CLIP1: variants seen among roughly 807,000 people sequenced by gnomAD.
CLIP1 encodes the protein CAP-Gly domain-containing linker protein 1.
Under a neutral mutation model 161.6 loss-of-function variants are expected in CLIP1, and 66 were observed. The ratio of observed to expected loss-of-function variants is 0.41; its 90% confidence interval spans 0.33 to 0.50. The LOEUF (loss-of-function observed/expected upper bound fraction) is 0.50, where lower values mean the gene tolerates loss of function less well. Among genes scored for constraint, CLIP1 ranks in the 20% least tolerant of loss-of-function variants. The pLI, the probability that CLIP1 is intolerant of heterozygous loss-of-function variation, is 0.27. For missense variants in CLIP1, 1,376 were observed against 1,702.0 expected, an observed-to-expected ratio of 0.81 and a Z score of 3.37; for synonymous variants, 598 against 626.2, an observed-to-expected ratio of 0.96 and a Z score of 0.67.
intron 20 of CLIP1, among the ~76,000 whole-genome samples, chr12:122,290,876 TA>T (rs1319566339): frequency 4.0e-5 from 6 of 151,186 alleles, no homozygotes; most frequent in African/African-American, 4.9e-5. Flanking sequence ...TATTTTTTTT[TA>T]TTTTTTTTAG....
At chr12:122,390,404 T>C (rs1291265623) in intron 1 of CLIP1, among the ~76,000 whole-genome samples, 20 of 149,710 alleles carry the variant, frequency 1.3e-4, no homozygotes. Context: ...CTCCACCTCC[T>C]GGGTTCAAAC....
At chr12:122,345,426 G>C (rs559128965) in intron 10 of CLIP1, among the ~76,000 whole-genome samples, 1 of 152,056 alleles carries the variant, frequency 6.6e-6, no homozygotes, top group Admixed American at 6.5e-5. Context: ...CTCCCAAAGT[G>C]CTGGGATTAC....
Position 122,390,205 on chromosome 12 carries a change from TATACACAC to T in CLIP1, c.-106-9655_-106-9648del, listed in dbSNP as rs1335132938. On this transcript the variant is annotated intron_variant, in intron 1 of 25. Transcript: ENST00000620786. ...TATATATATATATATATAATATATATATACACACATATATATACACACATATATACACA... is the reference window on the plus strand; with the variant it reads ...TATATATATATATATATAATATATATATATATATACACACATATATACACA... Among the ~76,000 whole-genome samples, 9 of 136,094 alleles carry T rather than the reference TATACACAC, an allele frequency of 6.6e-5. No individual in the cohort carries two copies. In the East Asian group the frequency reaches 8.4e-4, roughly 13 times the overall value. The allele number at this position is 136,094 out of a possible 152,430, so 89.3% of individuals were successfully genotyped here.
Position 122,288,540 on chromosome 12 carries a change from A to G in CLIP1, c.3596T>C (p.Leu1199Pro). The change falls in exon 21 of 26, where the codon CTG (leucine) becomes CCG (proline). Residue 1199 changes from leucine (L) to proline (P), a missense_variant and splice_region_variant. By Grantham distance (98) the Leu-to-Pro change is moderately conservative. Around this residue, in one of 6 missense-constraint regions of CLIP1, gnomAD observed 948 missense variants for 1,134.8 expected, o/e 0.84. Coordinates refer to ENST00000620786, the MANE Select transcript of CLIP1 (RefSeq NM_001247997.2). ...SRDEVTSHQK[L>P]EEERSVLNNQ... ...ATTGAGCACAGATCTTTCTTCTTCC[A>G]GCTAGGAAAAAAACACAAAAAACTT... The G allele has an allele frequency of 6.2e-7, 1 of 1,605,856 alleles. No homozygotes were observed.
intron 20 of CLIP1, among the ~76,000 whole-genome samples, chr12:122,292,241 G>A (rs552088444): frequency 7.3e-5 from 11 of 151,624 alleles, no homozygotes; most frequent in Non-Finnish European, 1.5e-4. Flanking sequence ...GGCCTCAAGC[G>A]ATCTGCCCAT....
At chr12:122,418,142 G>C (rs997634031) in intron 1 of CLIP1, among the ~76,000 whole-genome samples, 1 of 151,948 alleles carries the variant, frequency 6.6e-6, no homozygotes, top group Non-Finnish European at 1.5e-5. Flanking sequence ...TACTTGAAGG[G>C]AAGTTCCAAG....
chr12:122,325,191 G>A (rs1400072312), intron 17 of CLIP1, among the ~76,000 whole-genome samples: 2 of 151,408 alleles, frequency 1.3e-5, no homozygotes, highest in Non-Finnish European at 2.9e-5. Context: ...CCAAGTAGCT[G>A]GGATTACAAG....
In CLIP1 at chr12:122,336,662, T is replaced by C. The variant is rs1417878152; in HGVS notation, c.2538A>G (p.Lys846=). The change falls in exon 12 of 26, where the codon AAA becomes AAG. Residue 846 remains lysine (K), a synonymous_variant. Coordinates refer to ENST00000620786, the MANE Select transcript of CLIP1 (RefSeq NM_001247997.2). The stretch of plus-strand genomic sequence containing the variant: ...TCTGAAGTTCTTTTTCCAAAGTCTC[T>C]TTCACTTGACTGACTTCACTCAAAT... ...QENLSEVSQV[K]ETLEKELQIL... 3.1e-6 allele frequency: 5 copies of C among 1,609,322 alleles called. No individual in the cohort carries two copies. The highest frequency in any genetic ancestry group is 2.7e-5 in the African/African-American group (2 of 74,856).
At chr12:122,306,338 C>G (rs1039695639) in intron 20 of CLIP1, among the ~76,000 whole-genome samples, 2 of 152,112 alleles carry the variant, frequency 1.3e-5, no homozygotes, top group African/African-American at 4.8e-5. Context: ...AGCTATGAAG[C>G]TGGAAGTAAA....
rs776669313 is a variant in CLIP1, at chr12:122,351,119, G to C, written c.1393C>G (p.Pro465Ala). The change falls in exon 9 of 26, where the codon CCT (proline) becomes GCT (alanine). Residue 465 changes from proline to alanine, a missense_variant. Coordinates refer to ENST00000620786, the MANE Select transcript of CLIP1 (RefSeq NM_001247997.2). ...GTTAAGTGCCCTCTTACATTCTCAGGATCTTCAGAAATCTGGCTCTTTTGC... is the reference window on the plus strand; with the variant it reads ...GTTAAGTGCCCTCTTACATTCTCAGCATCTTCAGAAATCTGGCTCTTTTGC... ...LEQKSQISED[P>A]ENTQTKLEHA... The C allele has an allele frequency of 3.9e-6, 6 of 1,523,924 alleles. No individual in the cohort carries two copies. The African/African-American group carries it at 4.1e-5, about 11-fold the overall frequency. 94.4% of individuals were successfully genotyped at this position (1,523,924 alleles called of 1,614,324 possible).
chr12:122,416,620 G>A (rs751325169), intron 1 of CLIP1, among the ~76,000 whole-genome samples: 2 of 152,100 alleles, frequency 1.3e-5, no homozygotes, highest in Non-Finnish European at 2.9e-5. Flanking sequence ...TAACATGGTG[G>A]CCGAGAGCAG....
At chr12:122,350,369 G>A (rs1338411672) in intron 9 of CLIP1, among the ~76,000 whole-genome samples, 1 of 152,136 alleles carries the variant, frequency 6.6e-6, no homozygotes, top group Non-Finnish European at 1.5e-5. Flanking sequence ...CAGGGCTCTG[G>A]AGACCACATA....
chr12:122,362,390 A>T (rs1414464578), intron 4 of CLIP1, among the ~76,000 whole-genome samples: 1 of 151,660 alleles, frequency 6.6e-6, no homozygotes, highest in Non-Finnish European at 1.5e-5. Context: ...TCACGCCTGT[A>T]ATAGAACTTC....
chr12:122,279,289 T>G lies in CLIP1; in HGVS notation c.3648-144A>C. 2.0e-6 allele frequency: 1 copy of G among 501,094 alleles called. No homozygotes were observed. Among genetic ancestry groups the G allele is most frequent in the Non-Finnish European group, 3.4e-6 (1 of 295,548 alleles). 31.0% of individuals were successfully genotyped at this position (501,094 alleles called of 1,614,324 possible). On this transcript the variant is annotated intron_variant, in intron 21 of 25. Transcript: ENST00000620786. The surrounding 1 kb of genome is among the most constrained non-coding windows in gnomAD (Gnocchi z 4.5). Reference sequence around the variant, plus strand: ...GAAGTTTTATAGGGAGTTAAGGCCATTATGCTCACAAAATTTTACTTGAAA... The same window carrying G: ...GAAGTTTTATAGGGAGTTAAGGCCAGTATGCTCACAAAATTTTACTTGAAA...
rs553597435 is a variant in CLIP1, at chr12:122,304,652, C to T, written c.3594+5110G>A. ...CTGGGATTACAGGCGTGAGCCTCCA[C>T]GTCCAGCCTTGGGTGCCAATTTAAA... On this transcript the variant is annotated intron_variant, in intron 20 of 25. Coordinates refer to ENST00000620786, the MANE Select transcript of CLIP1 (RefSeq NM_001247997.2). Among the ~76,000 whole-genome samples, 3 of 152,358 alleles carry T rather than the reference C, an allele frequency of 2.0e-5. No homozygotes were observed. In the South Asian group the frequency reaches 6.2e-4, roughly 32 times the overall value.
At chr12:122,375,850 A>T (rs546143637) in intron 3 of CLIP1, among the ~76,000 whole-genome samples, 1 of 145,416 alleles carries the variant, frequency 6.9e-6, no homozygotes, top group Admixed American at 7.1e-5. Context: ...CTGGAGTGCC[A>T]TGACATAATC....
intron 10 of CLIP1, 174 bp from the exon 11 acceptor site, chr12:122,341,871 C>T (rs1369019626): frequency 1.0e-5 from 4 of 401,944 alleles, no homozygotes; most frequent in Admixed American, 5.0e-5. Context: ...GCAACCTCCA[C>T]CTCCTGGGTT....
At chr12:122,289,734 A>G (rs1164990860) in intron 20 of CLIP1, among the ~76,000 whole-genome samples, 2 of 152,130 alleles carry the variant, frequency 1.3e-5, no homozygotes, top group Non-Finnish European at 2.9e-5. Context: ...GTGAAGGAGG[A>G]ATCATCTCTA....
chr12:122,332,919 C>T, intron 15 of CLIP1, 68 bp downstream of exon 15: 1 of 1,303,336 alleles, frequency 7.7e-7, no homozygotes, highest in Non-Finnish European at 1.1e-6. Flanking sequence ...ATTTTGTCTC[C>T]CCTCCCACCT....
Sources: gnomAD v4.1 joint callset for allele counts (sites outside exome capture counted in the v4.1 genomes callset) on GRCh38, gnomAD v4.1.1 for gene constraint, gnomAD v4.1.1 regional missense constraint, Gnocchi (gnomAD v3.1) non-coding constraint, MANE v1.5 for transcripts, NCBI Gene and HGNC (gene_info 2026-07-23, HGNC 2026-07-21) for gene names.